MCF2L2: variants seen among roughly 807,000 people sequenced by gnomAD.
MCF2L2 encodes probable guanine nucleotide exchange factor MCF2L2.
Under a neutral mutation model 150.2 loss-of-function variants are expected in MCF2L2, and 102 were observed. The ratio of observed to expected loss-of-function variants is 0.68; its 90% CI spans 0.58 to 0.80. The LOEUF (loss-of-function observed/expected upper bound fraction) is 0.80, where lower values mean the gene tolerates loss of function less well. Ranked by LOEUF, MCF2L2 falls within the 30% of genes least tolerant of loss-of-function variation. The probability of loss-of-function intolerance (pLI) is 0.00; values close to 1 mark genes in which losing one functional copy is unlikely to be tolerated. For synonymous variants in MCF2L2, 465 were observed against 491.3 expected (o/e 0.95, Z 0.71); for missense variants, 1,256 against 1,372.8 (o/e 0.91, Z 1.34).
intron 9 of MCF2L2, among the ~76,000 whole-genome samples, chr3:183,310,232 T>C (rs1189564409): frequency 6.6e-6 from 1 of 152,010 alleles, no homozygotes; most frequent in Non-Finnish European, 1.5e-5. Context: ...CCGGGCGCAG[T>C]GGCTCACGCC....
chr3:183,324,714 T>C (rs1176621610), intron 5 of MCF2L2, among the ~76,000 whole-genome samples: 9 of 151,648 alleles, frequency 5.9e-5, no homozygotes, highest in Admixed American at 2.6e-4. Context: ...GACTGGGTGA[T>C]AGAGGGAGAC....
At chr3:183,312,254 CTTGT>C (rs1307106836) in intron 7 of MCF2L2, among the ~76,000 whole-genome samples, 3 of 152,138 alleles carry the variant, frequency 2.0e-5, no homozygotes, top group Non-Finnish European at 4.4e-5. Flanking sequence ...CAACTATGGC[CTTGT>C]TTAATTATTT....
intron 1 of MCF2L2, among the ~76,000 whole-genome samples, chr3:183,396,135 T>C (rs188344208): frequency 2.6e-5 from 4 of 151,830 alleles, no homozygotes; most frequent in African/African-American, 7.2e-5. Flanking sequence ...CAGGTGCACA[T>C]AGCCCTGGAA....
Position 183,295,385 on chromosome 3 carries a change from CTGTT to C in MCF2L2, c.1586_1589del (p.Lys529ArgfsTer32), listed in dbSNP as rs1385934322. ...GGGCCACAGGTTGCACTGGACGAGT[CTGTT>C]TGGCTGCCAGTTTCATCAGACTCAC... On this transcript the variant is annotated frameshift_variant, in exon 13 of 30. Transcript: ENST00000328913. LOFTEE classifies it high-confidence loss of function. 2 of 1,614,102 alleles carry C rather than the reference CTGTT, an allele frequency of 1.2e-6. No individual in the cohort carries two copies. The highest frequency in any genetic ancestry group is 1.1e-5 in the South Asian group (1 of 91,062).
intron 15 of MCF2L2, among the ~76,000 whole-genome samples, chr3:183,242,149 G>A (rs752031950): frequency 4.8e-4 from 73 of 152,110 alleles, no homozygotes; most frequent in South Asian, 2.1e-4. Flanking sequence ...GATATGGTTC[G>A]GAATTGGAAC....
chr3:183,340,982 A>T (rs1238658690), intron 4 of MCF2L2, among the ~76,000 whole-genome samples: 1 of 152,202 alleles, frequency 6.6e-6, no homozygotes, highest in Non-Finnish European at 1.5e-5. Context: ...TACTGTCTTA[A>T]ATTGAATTGC....
At chr3:183,402,089 T>C (rs1714784959) in intron 1 of MCF2L2, among the ~76,000 whole-genome samples, 1 of 152,146 alleles carries the variant, frequency 6.6e-6, no homozygotes, top group Non-Finnish European at 1.5e-5. Context: ...TTTGTTGTTG[T>C]TAAAAGTACA....
intron 1 of MCF2L2, among the ~76,000 whole-genome samples, chr3:183,408,722 A>T (rs1715170849): frequency 6.6e-6 from 1 of 152,256 alleles, no homozygotes; most frequent in South Asian, 2.1e-4. Flanking sequence ...AATAGGTAGA[A>T]AAAAACAGAC....
intron 3 of MCF2L2, chr3:183,373,765 G>A (rs143990296): frequency 6.6e-6 from 1 of 152,132 alleles, no homozygotes; most frequent in South Asian, 2.1e-4. Context: ...CTAAAATGCA[G>A]TTGAGGTCGA....
intron 22 of MCF2L2, among the ~76,000 whole-genome samples, chr3:183,210,515 G>C (rs1280068297): frequency 6.6e-6 from 1 of 152,132 alleles, no homozygotes; most frequent in Non-Finnish European, 1.5e-5. Flanking sequence ...TGTTGTCACT[G>C]AGCAACATCC....
At chr3:183,342,838 G>A (rs1730758361) in intron 3 of MCF2L2, among the ~76,000 whole-genome samples, 1 of 152,148 alleles carries the variant, frequency 6.6e-6, no homozygotes, top group Non-Finnish European at 1.5e-5. Flanking sequence ...TTGGCCTATA[G>A]TAAACCTTCA....
At chr3:183,394,043 AC>A (rs1349727486) in intron 1 of MCF2L2, among the ~76,000 whole-genome samples, 14 of 152,132 alleles carry the variant, frequency 9.2e-5, no homozygotes, top group Non-Finnish European at 1.3e-4. Context: ...ATAAATAAAT[AC>A]CTAGGTTAAG....
Position 183,427,991 on chromosome 3 carries a change from C to A in MCF2L2, c.-14G>T. 6.2e-7 allele frequency: 1 copy of A among 1,606,386 alleles called. No individual in the cohort carries two copies. The highest frequency in any genetic ancestry group is 2.2e-5 in the East Asian group (1 of 44,832). On this transcript the variant is annotated 5_prime_UTR_variant, in exon 1 of 30. It removes an upstream start codon present in the reference 5' UTR. Coordinates refer to ENST00000328913, the MANE Select transcript of MCF2L2 (RefSeq NM_015078.4). ...GCAAGACAGCATTTCACTGAAAAACCATTCCGTATAAATAAAGCCAAACAA... is the reference window on the plus strand; with the variant it reads ...GCAAGACAGCATTTCACTGAAAAACAATTCCGTATAAATAAAGCCAAACAA...
In MCF2L2 at chr3:183,394,484, C is replaced by T. The variant is rs147586976; in HGVS notation, c.77-4705G>A. On this transcript the variant is annotated intron_variant, in intron 1 of 29. Coordinates refer to ENST00000328913, the MANE Select transcript of MCF2L2 (RefSeq NM_015078.4). ...CCAGAGGCTCAGAGACACCAGTTGC[C>T]GGGCTGGTACAAAAAGCCAGCCCAT... 2.8e-3 allele frequency among the ~76,000 whole-genome samples: 434 copies of T among 152,316 alleles called. 4 individuals carry two copies. Among genetic ancestry groups the T allele is most frequent in the African/African-American group, 9.6e-3 (397 of 41,568 alleles).
At chr3:183,185,476 T>G (rs977621775) in intron 27 of MCF2L2, among the ~76,000 whole-genome samples, 4 of 152,242 alleles carry the variant, frequency 2.6e-5, no homozygotes, top group Admixed American at 2.6e-4. Context: ...TTTTGTAAAA[T>G]GAATGATAAA....
At chr3:183,358,605 A>G (rs1711929809) in intron 3 of MCF2L2, among the ~76,000 whole-genome samples, 1 of 152,150 alleles carries the variant, frequency 6.6e-6, no homozygotes, top group Non-Finnish European at 1.5e-5. Context: ...AATATTCAAC[A>G]GGTTGGTTAC....
chr3:183,180,833 G>A (rs1271526468), intron 27 of MCF2L2, among the ~76,000 whole-genome samples: 2 of 152,194 alleles, frequency 1.3e-5, no homozygotes, highest in African/African-American at 2.4e-5. Context: ...TTACAGTTGG[G>A]GAAACAGACA....
At chr3:183,360,938 G>A (rs1712097743) in intron 3 of MCF2L2, among the ~76,000 whole-genome samples, 1 of 145,258 alleles carries the variant, frequency 6.9e-6, no homozygotes, top group Non-Finnish European at 1.5e-5. Context: ...CTCCAGCCTG[G>A]GCAAGAAGAG....
At chr3:183,193,147 C>T in intron 26 of MCF2L2, 51 bp from the exon 27 acceptor site, 1 of 1,455,328 alleles carries the variant, frequency 6.9e-7, no homozygotes, top group Non-Finnish European at 9.6e-7. Context: ...ATGACACACG[C>T]ATCCCTCCCC....
Sources: allele counts gnomAD v4.1 joint callset (sites outside exome capture counted in the v4.1 genomes callset), GRCh38; gene constraint gnomAD v4.1.1; transcripts MANE v1.5; gene names NCBI Gene and HGNC (gene_info 2026-07-23, HGNC 2026-07-21).